The following MGA variants were observed in gnomAD, a reference collection of about 807,000 sequenced individuals.
The protein encoded by MGA is MAX gene-associated protein.
In MGA, 40 loss-of-function variants were observed where a neutral mutation model predicts 261.1. The observed-to-expected ratio is 0.15, with a 90% CI of 0.12 to 0.20. The LOEUF (loss-of-function observed/expected upper bound fraction) is 0.20, where lower values mean the gene tolerates loss of function less well. Among genes scored for constraint, MGA ranks in the 10% least tolerant of loss-of-function variants. The probability of loss-of-function intolerance (pLI) is 1.00; values close to 1 mark genes in which losing one functional copy is unlikely to be tolerated. For synonymous variants in MGA, 1,302 were observed against 1,290.6 expected (o/e 1.01, Z -0.19); for missense variants, 3,397 against 3,630.5 (o/e 0.94, Z 1.65).
chr15:41,671,755 A>T (rs920694780), intron 2 of MGA, among the ~76,000 whole-genome samples: 4 of 152,152 alleles, frequency 2.6e-5, no homozygotes, highest in African/African-American at 9.7e-5. Context: ...TATTTTTTGA[A>T]TTTGGAATCT....
chr15:41,735,113 G>A (rs986584860), intron 12 of MGA, among the ~76,000 whole-genome samples: 9 of 152,128 alleles, frequency 5.9e-5, no homozygotes, highest in African/African-American at 1.9e-4. Context: ...CTTAAAAAAC[G>A]TCATGGTACA....
At position 41,766,723 on chromosome 15, in the gene MGA, G is replaced by C; in HGVS notation, c.8641G>C (p.Gly2881Arg). ...AGCAACTTTCCAGGTTGAGCACTTG[G>C]GAACTGGTTTGAAAGAGTTGCCTGA... The change falls in exon 24 of 24, where the codon GGA becomes CGA. Residue 2881 changes from glycine to arginine, a missense_variant. Gly to Arg is a moderately radical substitution (Grantham distance 125). This residue lies in a region of MGA where 647 missense variants were observed against 642.4 expected (regional missense o/e 1.01). Coordinates refer to ENST00000219905, the MANE Select transcript of MGA (RefSeq NM_001164273.2). 1 of 1,613,964 alleles carries C rather than the reference G, an allele frequency of 6.2e-7. No homozygotes were observed. The highest frequency in any genetic ancestry group is 8.5e-7 in the Non-Finnish European group (1 of 1,179,884).
intron 13 of MGA, among the ~76,000 whole-genome samples, 192 bp downstream of exon 13, chr15:41,736,890 A>G (rs1323234956): frequency 1.3e-5 from 2 of 152,172 alleles, no homozygotes; most frequent in Non-Finnish European, 2.9e-5. Context: ...TGTCACATTT[A>G]TGAACAGAAA....
intron 17 of MGA, chr15:41,751,347 G>A (rs1265388669): frequency 1.3e-5 from 2 of 152,124 alleles, no homozygotes; most frequent in Non-Finnish European, 2.9e-5. Flanking sequence ...AATAGTTTTA[G>A]ACTTTGCAGA....
chr15:41,688,221 A>G (rs755952911), intron 2 of MGA, among the ~76,000 whole-genome samples: 2 of 152,088 alleles, frequency 1.3e-5, no homozygotes, highest in Non-Finnish European at 2.9e-5. Flanking sequence ...GATTACTGGC[A>G]CACACTGCCA....
chr15:41,699,986 A>G (rs2059749673), intron 5 of MGA, among the ~76,000 whole-genome samples: 2 of 149,996 alleles, frequency 1.3e-5, no homozygotes, highest in Non-Finnish European at 3.0e-5. Context: ...TGTGCAGGTT[A>G]CATAGTTATA....
At position 41,767,511 on chromosome 15, in the gene MGA, CCTCT is replaced by C. The variant is rs776291568; in HGVS notation, c.*234_*237del. On this transcript the variant is annotated 3_prime_UTR_variant, in exon 24 of 24. Transcript: ENST00000219905. The stretch of plus-strand genomic sequence containing the variant: ...CACTTGTGGTGCTGGGTCCCCTCAT[CCTCT>C]CTAAGAAGATGTGATCCATTACTGA... 1.3e-4 allele frequency: 71 copies of C among 556,500 alleles called. No individual in the cohort carries two copies. Among genetic ancestry groups the C allele is most frequent in the Non-Finnish European group, 2.2e-4 (69 of 313,614 alleles). The allele number at this position is 556,500 out of a possible 1,614,324, so 34.5% of individuals were successfully genotyped here. A position where few individuals can be genotyped will look rare whatever the true frequency, so the allele number is the denominator to read the frequency against.
At chr15:41,686,163 T>G (rs1400793024) in intron 2 of MGA, among the ~76,000 whole-genome samples, 2 of 152,188 alleles carry the variant, frequency 1.3e-5, no homozygotes, top group Admixed American at 1.3e-4. Context: ...CCAATCTTTA[T>G]GCCTGTTCTC....
At chr15:41,643,273 C>T (rs373277802) in intron 1 of MGA, among the ~76,000 whole-genome samples, 5 of 149,652 alleles carry the variant, frequency 3.3e-5, no homozygotes, top group African/African-American at 4.9e-5. Flanking sequence ...CGGAGTCTCA[C>T]GCTGTGGCCC....
In MGA at chr15:41,669,140, T is replaced by C; in HGVS notation, c.246T>C (p.Asn82=). 1.2e-6 allele frequency: 2 copies of C among 1,613,764 alleles called. No individual in the cohort carries two copies. Among genetic ancestry groups the C allele is most frequent in the Non-Finnish European group, 1.7e-6 (2 of 1,179,662 alleles). Residue 82 remains asparagine, a synonymous_variant, in exon 2 of 24, where the codon AAT becomes AAC. Coordinates refer to ENST00000219905, the MANE Select transcript of MGA (RefSeq NM_001164273.2). ...GAATCACTGTTACCCTCGATAACAA[T>C]AGTATGTGGAATGAGTTCTATCATC...
intron 15 of MGA, among the ~76,000 whole-genome samples, chr15:41,744,923 G>C (rs948022232): frequency 1.1e-4 from 17 of 152,088 alleles, no homozygotes; most frequent in African/African-American, 4.1e-4. Context: ...CTGTTGCCCA[G>C]GCTGGAGTGC....
Position 41,766,150 on chromosome 15 carries a change from A to T in MGA, c.8068A>T (p.Asn2690Tyr), listed in dbSNP as rs1567114313. The T allele has an allele frequency of 6.2e-7, 1 of 1,614,044 alleles. No individual in the cohort carries two copies. Among genetic ancestry groups the T allele is most frequent in the South Asian group, 1.1e-5 (1 of 91,080 alleles). The change falls in exon 24 of 24, where the codon AAT (asparagine) becomes TAT (tyrosine). Residue 2690 changes from asparagine to tyrosine, a missense_variant. By Grantham distance (143) the Asn-to-Tyr change is moderately radical. Coordinates refer to ENST00000219905, the MANE Select transcript of MGA (RefSeq NM_001164273.2). Reference sequence around the variant, plus strand: ...TGACCATCTGAAAGACACCGTCAGGAATGAAGATAATTCCTTAGAGGATAA... The same window carrying T: ...TGACCATCTGAAAGACACCGTCAGGTATGAAGATAATTCCTTAGAGGATAA...
At chr15:41,646,928 A>G (rs1250170839) in intron 1 of MGA, among the ~76,000 whole-genome samples, 1 of 152,182 alleles carries the variant, frequency 6.6e-6, no homozygotes, top group Non-Finnish European at 1.5e-5. Flanking sequence ...TTTATAGAGC[A>G]TATATGATGT....
At position 41,669,158 on chromosome 15, in the gene MGA, C is replaced by T. The variant is rs2057920716; in HGVS notation, c.264C>T (p.Phe88=). ...ATAACAATAGTATGTGGAATGAGTT[C>T]TATCATCGAAGCACAGAGATGATTC... The change falls in exon 2 of 24, where the codon TTC becomes TTT. Residue 88 remains phenylalanine (F), a synonymous_variant. Transcript: ENST00000219905. 13 of 1,613,980 alleles carry T rather than the reference C, an allele frequency of 8.1e-6. No individual in the cohort carries two copies. The highest frequency in any genetic ancestry group is 1.0e-5 in the Non-Finnish European group (12 of 1,179,858).
At chr15:41,648,397 T>C (rs1027319013) in intron 1 of MGA, among the ~76,000 whole-genome samples, 25 of 152,352 alleles carry the variant, frequency 1.6e-4, no homozygotes, top group Non-Finnish European at 3.7e-4. Context: ...AGTTAATATA[T>C]GGCAAATGCT....
intron 22 of MGA, among the ~76,000 whole-genome samples, chr15:41,763,345 C>T (rs1322560901): frequency 6.6e-6 from 1 of 151,430 alleles, no homozygotes; most frequent in Non-Finnish European, 1.5e-5. Context: ...TCGTGATCCG[C>T]CCACCTCGGC....
chr15:41,677,876 G>A (rs887777011), intron 2 of MGA, among the ~76,000 whole-genome samples: 1 of 151,870 alleles, frequency 6.6e-6, no homozygotes, highest in African/African-American at 2.4e-5. Flanking sequence ...CATTCTGTGG[G>A]TTGTCTTTTC....
At chr15:41,706,414 G>A (rs1170860001) in intron 5 of MGA, among the ~76,000 whole-genome samples, 1 of 150,992 alleles carries the variant, frequency 6.6e-6, no homozygotes, top group Non-Finnish European at 1.5e-5. Flanking sequence ...TGCCTGGCTT[G>A]CCATCTTTTG....
At position 41,768,173 on chromosome 15, in the gene MGA, A is replaced by G. The variant is rs898663664; in HGVS notation, c.*893A>G. 1 of 152,618 alleles carries G rather than the reference A, an allele frequency of 6.6e-6. No individual in the cohort carries two copies. Among genetic ancestry groups the G allele is most frequent in the Non-Finnish European group, 1.5e-5 (1 of 68,034 alleles). 9.5% of individuals were successfully genotyped at this position (152,618 alleles called of 1,614,324 possible). A position where few individuals can be genotyped will look rare whatever the true frequency, so the allele number is the denominator to read the frequency against. On this transcript the variant is annotated 3_prime_UTR_variant, in exon 24 of 24. Coordinates refer to ENST00000219905, the MANE Select transcript of MGA (RefSeq NM_001164273.2). ...AAATCATGGGGCTGGAAATTTCCCAAATCAAACCAGCCTCCTGGTGCTTGA... is the reference window on the plus strand; with the variant it reads ...AAATCATGGGGCTGGAAATTTCCCAGATCAAACCAGCCTCCTGGTGCTTGA...
Sources: allele counts gnomAD v4.1 joint callset (sites outside exome capture counted in the v4.1 genomes callset), GRCh38; gene constraint gnomAD v4.1.1; regional missense constraint gnomAD v4.1.1; transcripts MANE v1.5; gene names NCBI Gene and HGNC (gene_info 2026-07-23, HGNC 2026-07-21).